Variants in COL7A1 observed in about 807,000 individuals in gnomAD.
COL7A1 encodes collagen alpha-1(VII) chain.
A neutral mutation model predicts 456.2 loss-of-function variants in COL7A1; 296 were observed. The ratio of observed to expected loss-of-function variants is 0.65; its 90% confidence interval spans 0.59 to 0.71. The LOEUF (loss-of-function observed/expected upper bound fraction) is 0.71, where lower values mean the gene tolerates loss of function less well. COL7A1 is among the 30% of genes least tolerant of loss of function. The probability of loss-of-function intolerance (pLI) is 0.00; values close to 1 mark genes in which losing one functional copy is unlikely to be tolerated. For missense variants in COL7A1, 3,441 were observed against 4,017.2 expected (o/e 0.86, Z 3.88); for synonymous variants, 1,464 against 1,525.9 (o/e 0.96, Z 0.95).
Position 48,594,237 on chromosome 3 carries a change from G to C in COL7A1, c.266+131C>G. ...CTGTCTCCAAAGGAGGTCCTGGCTA[G>C]GGGGTCTCTAGGTTCCCCAAAACTT... On this transcript the variant is annotated intron_variant, in intron 3 of 118. Coordinates refer to ENST00000681320, the MANE Select transcript of COL7A1 (RefSeq NM_000094.4). The surrounding 1 kb of genome is among the most constrained non-coding windows in gnomAD (Gnocchi z 5.5). 1 of 1,056,336 alleles carries C rather than the reference G, an allele frequency of 9.5e-7. No individual in the cohort carries two copies. Among genetic ancestry groups the C allele is most frequent in the Non-Finnish European group, 1.4e-6 (1 of 719,388 alleles). The allele number at this position is 1,056,336 out of a possible 1,614,324, so 65.4% of individuals were successfully genotyped here. A position where few individuals can be genotyped will look rare whatever the true frequency, so the allele number is the denominator to read the frequency against.
Position 48,573,743 on chromosome 3 carries a change from A to G in COL7A1, c.6538-18T>C. On this transcript the variant is annotated intron_variant, in intron 81 of 118. Coordinates refer to ENST00000681320, the MANE Select transcript of COL7A1 (RefSeq NM_000094.4). The surrounding 1 kb of genome is among the most constrained non-coding windows in gnomAD (Gnocchi z 5.5). ...TGACCACCCTGTTGTGGCGAAAAAG[A>G]GTCTGATGAGGGGGAGTTAGCCGCA... The G allele has an allele frequency of 6.2e-7, 1 of 1,613,744 alleles. No homozygotes were observed. Among genetic ancestry groups the G allele is most frequent in the Non-Finnish European group, 8.5e-7 (1 of 1,179,892 alleles).
rs754008525 is a variant in COL7A1 at position 48,583,382 on chromosome 3, C to A, written c.4437+11G>T. The A allele has an allele frequency of 6.2e-7, 1 of 1,613,994 alleles. No homozygotes were observed. The highest frequency in any genetic ancestry group is 1.7e-5 in the Admixed American group (1 of 60,004). Reference sequence around the variant, plus strand: ...CACCCCTCACACCTGAATCCCCCAACTGGTACTCACTTTGGGGCCAATAGC... The same window carrying A: ...CACCCCTCACACCTGAATCCCCCAAATGGTACTCACTTTGGGGCCAATAGC... On this transcript the variant is annotated intron_variant, in intron 42 of 118. Coordinates refer to ENST00000681320, the MANE Select transcript of COL7A1 (RefSeq NM_000094.4). This position sits in a 1 kb window ranked among gnomAD's most constrained non-coding sequence, Gnocchi z 5.1.
At position 48,574,982 on chromosome 3, in the gene COL7A1, C is replaced by T; in HGVS notation, c.6279+82G>A. The T allele has an allele frequency of 6.4e-7, 1 of 1,564,284 alleles. No homozygotes were observed. ...TCAGAAATTCCAGGGTTATGGCACACACTACCATATTTCTGGGGACCAAGC... is the reference window on the plus strand; with the variant it reads ...TCAGAAATTCCAGGGTTATGGCACATACTACCATATTTCTGGGGACCAAGC... On this transcript the variant is annotated intron_variant, in intron 76 of 118. Transcript: ENST00000681320. This position sits in a 1 kb window ranked among gnomAD's most constrained non-coding sequence, Gnocchi z 5.0.
chr3:48,586,246 C>T lies in COL7A1; in HGVS notation c.3551G>A (p.Gly1184Glu). 6.2e-7 allele frequency: 1 copy of T among 1,613,724 alleles called. No homozygotes were observed. Among genetic ancestry groups the T allele is most frequent in the Non-Finnish European group, 8.5e-7 (1 of 1,180,034 alleles). Reference protein sequence around the residue: ...FSPIREAQASGLNVVMLGMAG... With the variant: ...FSPIREAQASELNVVMLGMAG... The stretch of plus-strand genomic sequence containing the variant: ...CATTCCCAACATCACCACATTAAGC[C>T]CTAAGGTGGGGTCCAGTGGCTGCAT... Residue 1184 changes from glycine to glutamate, a missense_variant and splice_region_variant, in exon 28 of 119, where the codon GGG becomes GAG. By Grantham distance (98) the Gly-to-Glu change is moderately conservative. Coordinates refer to ENST00000681320, the MANE Select transcript of COL7A1 (RefSeq NM_000094.4). The surrounding 1 kb of genome is among the most constrained non-coding windows in gnomAD (Gnocchi z 5.1).
chr3:48,567,808 G>A lies in COL7A1; in HGVS notation c.7929+30C>T, dbSNP rs369871223. ...GGGTGAGCCTTAGGCCCCAGGCCAC[G>A]TAGCCCCCCAGCCCCCATCCCCTCT... On this transcript the variant is annotated intron_variant, in intron 107 of 118. Coordinates refer to ENST00000681320, the MANE Select transcript of COL7A1 (RefSeq NM_000094.4). The surrounding 1 kb of genome is among the most constrained non-coding windows in gnomAD (Gnocchi z 4.3). 78 of 1,613,952 alleles carry A rather than the reference G, an allele frequency of 4.8e-5. No individual in the cohort carries two copies. The highest frequency in any genetic ancestry group is 5.6e-5 in the Non-Finnish European group (66 of 1,179,978).
Position 48,580,107 on chromosome 3 carries a change from A to C in COL7A1, c.5098-50T>G. On this transcript the variant is annotated intron_variant, in intron 56 of 118. Transcript: ENST00000681320. The surrounding 1 kb of genome is among the most constrained non-coding windows in gnomAD (Gnocchi z 4.5). ...AATAGGAGCCCTCAGGTCCCAGGCC[A>C]TGGCTCTGGTTTGCCCCAGGCTCAA... 6.2e-7 allele frequency: 1 copy of C among 1,609,006 alleles called. No homozygotes were observed. Among genetic ancestry groups the C allele is most frequent in the Non-Finnish European group, 8.5e-7 (1 of 1,176,276 alleles).
chr3:48,583,616 C>A lies in COL7A1; in HGVS notation c.4342-1G>T, dbSNP rs2044955528. 7 of 1,614,058 alleles carry A rather than the reference C, an allele frequency of 4.3e-6. No individual in the cohort carries two copies. The highest frequency in any genetic ancestry group is 5.1e-6 in the Non-Finnish European group (6 of 1,179,998). On this transcript the variant is annotated splice_acceptor_variant, in intron 40 of 118. Transcript: ENST00000681320. LOFTEE classifies it high-confidence loss of function. This position sits in a 1 kb window ranked among gnomAD's most constrained non-coding sequence, Gnocchi z 5.1. ...CTGGAGCTCCATCCTCAGAGTCACC[C>A]TGAAGGAGAAACACACGGGTGGGAA...
rs1219896607 is a variant in COL7A1 at position 48,590,920 on chromosome 3, T to G, written c.1637-104A>C. ...CGCAGAGTGAGAAGGGCCATGGGGG[T>G]GGGGATGTGGGGTGGTGGGGACCAG... On this transcript the variant is annotated intron_variant, in intron 13 of 118. Transcript: ENST00000681320. This position sits in a 1 kb window ranked among gnomAD's most constrained non-coding sequence, Gnocchi z 4.6. 154 of 683,890 alleles carry G rather than the reference T, an allele frequency of 2.3e-4. No homozygotes were observed. The highest frequency in any genetic ancestry group is 3.0e-4 in the Middle Eastern group (1 of 3,284). The allele number at this position is 683,890 out of a possible 1,614,324, so 42.4% of individuals were successfully genotyped here.
At position 48,584,771 on chromosome 3, in the gene COL7A1, T is replaced by G. The variant is rs2107736723; in HGVS notation, c.4012-2A>C. ...TGGGCCTCGAGGTCCTCGCTCTCCC[T>G]GAGGACGAAACAGAGCAGAGGGTGG... On this transcript the variant is annotated splice_acceptor_variant, in intron 34 of 118. Coordinates refer to ENST00000681320, the MANE Select transcript of COL7A1 (RefSeq NM_000094.4). LOFTEE classifies it high-confidence loss of function. The G allele has an allele frequency of 6.2e-7, 1 of 1,613,970 alleles. No homozygotes were observed. Among genetic ancestry groups the G allele is most frequent in the Non-Finnish European group, 8.5e-7 (1 of 1,180,008 alleles).
In COL7A1 at chr3:48,591,610, A is replaced by T. The variant is rs748661346; in HGVS notation, c.1508-18T>A. 5 of 1,613,510 alleles carry T rather than the reference A, an allele frequency of 3.1e-6. No homozygotes were observed. Among genetic ancestry groups the T allele is most frequent in the Middle Eastern group, 1.6e-4 (1 of 6,062 alleles). On this transcript the variant is annotated intron_variant, in intron 12 of 118. Transcript: ENST00000681320. The surrounding 1 kb of genome is among the most constrained non-coding windows in gnomAD (Gnocchi z 7.0). Reference sequence around the variant, plus strand: ...CTCTGGTCCTGTTGGAGAGCACAGCATAGAGGCAGCCTGGGGCTCCGACAC... The same window carrying T: ...CTCTGGTCCTGTTGGAGAGCACAGCTTAGAGGCAGCCTGGGGCTCCGACAC...
At chr3:48,589,514 T>C (rs1159590517) in intron 17 of COL7A1, 44 bp from the exon 18 acceptor site, 1 of 1,612,860 alleles carries the variant, frequency 6.2e-7, no homozygotes, top group Admixed American at 1.7e-5. Flanking sequence ...GCAAACTCTG[T>C]GCCCCAGAGC....
In COL7A1 at chr3:48,578,829, C is replaced by T. The variant is rs2044510922; in HGVS notation, c.5424+90G>A. On this transcript the variant is annotated intron_variant, in intron 63 of 118. Transcript: ENST00000681320. The surrounding 1 kb of genome is among the most constrained non-coding windows in gnomAD (Gnocchi z 4.7). The stretch of plus-strand genomic sequence containing the variant: ...AAGGCAAGGCTGAACCGACCCCCCA[C>T]CAACTCTCTCGGATGCTGTGACTAT... 3.6e-6 allele frequency: 5 copies of T among 1,392,696 alleles called. No homozygotes were observed. The highest frequency in any genetic ancestry group is 3.9e-6 in the Non-Finnish European group (4 of 1,026,436). 86.3% of individuals were successfully genotyped at this position (1,392,696 alleles called of 1,614,324 possible). A position where few individuals can be genotyped will look rare whatever the true frequency, so the allele number is the denominator to read the frequency against.
chr3:48,589,110 T>G (rs1292661543), intron 18 of COL7A1, 115 bp from the exon 19 acceptor site: 8 of 1,570,186 alleles, frequency 5.1e-6, no homozygotes, highest in Middle Eastern at 2.2e-4. Context: ...CAGGTCACTT[T>G]AGGCAGCCCT....
chr3:48,570,693 T>C lies in COL7A1; in HGVS notation c.7290A>G (p.Pro2430=). ...GGGGTCCTGGGATTCCTTCTCTCCCTGGGGGGCCTGCCAGACCCTACCAGA... is the reference window on the plus strand; with the variant it reads ...GGGGTCCTGGGATTCCTTCTCTCCCCGGGGGGCCTGCCAGACCCTACCAGA... The part of the protein sequence containing the change: ...PSGERGLAGP[P]GREGIPGPLG... Residue 2430 remains proline (P), a synonymous_variant, in exon 96 of 119, where the codon CCA becomes CCG. Transcript: ENST00000681320. The surrounding 1 kb of genome is among the most constrained non-coding windows in gnomAD (Gnocchi z 5.5). The C allele has an allele frequency of 1.9e-6, 3 of 1,581,408 alleles. No individual in the cohort carries two copies. Among genetic ancestry groups the C allele is most frequent in the Admixed American group, 1.8e-5 (1 of 55,826 alleles).
intron 18 of COL7A1, 67 bp from the exon 19 acceptor site, chr3:48,589,062 C>A (rs1471151172): frequency 6.2e-7 from 1 of 1,608,296 alleles, no homozygotes; most frequent in African/African-American, 1.3e-5. Flanking sequence ...ATGGTTGACG[C>A]AGGGGTGATC....
rs777288198 is a variant in COL7A1 at position 48,579,459 on chromosome 3, G to C, written c.5271+21C>G. 2 of 1,614,154 alleles carry C rather than the reference G, an allele frequency of 1.2e-6. No individual in the cohort carries two copies. Among genetic ancestry groups the C allele is most frequent in the South Asian group, 2.2e-5 (2 of 91,080 alleles). ...AGGGTAAGATGGGGACTTGGCAGACGGGGCAAAGTGCATCACTCACCTGTG... is the reference window on the plus strand; with the variant it reads ...AGGGTAAGATGGGGACTTGGCAGACCGGGCAAAGTGCATCACTCACCTGTG... On this transcript the variant is annotated intron_variant, in intron 60 of 118. Coordinates refer to ENST00000681320, the MANE Select transcript of COL7A1 (RefSeq NM_000094.4). The surrounding 1 kb of genome is among the most constrained non-coding windows in gnomAD (Gnocchi z 4.4).
At chr3:48,576,040 G>A in intron 71 of COL7A1, 138 bp from the exon 72 acceptor site, 2 of 1,468,010 alleles carry the variant, frequency 1.4e-6, no homozygotes, top group Non-Finnish European at 9.4e-7. Context: ...CTTGGTTGAG[G>A]CATGGCTGGA....
At position 48,564,263 on chromosome 3, in the gene COL7A1, G is replaced by A. The variant is rs752873745; in HGVS notation, c.*143C>T. The A allele has an allele frequency of 2.5e-5, 26 of 1,034,456 alleles. No homozygotes were observed. The African/African-American group carries it at 2.5e-4, about 10-fold the overall frequency. The allele number at this position is 1,034,456 out of a possible 1,614,324, so 64.1% of individuals were successfully genotyped here. ...CCACAGGGGGGAAGGCTAGACCCAC[G>A]GGACCAAGTCACTGAAATAACGGAC... On this transcript the variant is annotated 3_prime_UTR_variant, in exon 119 of 119. Transcript: ENST00000681320. This position sits in a 1 kb window ranked among gnomAD's most constrained non-coding sequence, Gnocchi z 6.0.
In COL7A1 at chr3:48,575,481, G is replaced by A. The variant is rs1165283981; in HGVS notation, c.6038C>T (p.Pro2013Leu). The change falls in exon 74 of 119, where the codon CCT becomes CTT. Residue 2013 changes from proline to leucine, a missense_variant. This residue lies in a region of COL7A1 where 2,084 missense variants were observed against 2,501.3 expected (regional missense o/e 0.83). Transcript: ENST00000681320. The surrounding 1 kb of genome is among the most constrained non-coding windows in gnomAD (Gnocchi z 6.3). ...AAGGGCCAGACCAGGTGGCCCCTGA[G>A]GGCCAGGGTCTCCACGGTCGCCCTT... The part of the protein sequence containing the change: ...GLKGDRGDPG[P>L]QGPPGLALGE... The A allele has an allele frequency of 1.2e-6, 2 of 1,612,096 alleles. No individual in the cohort carries two copies. Among genetic ancestry groups the A allele is most frequent in the South Asian group, 1.1e-5 (1 of 91,052 alleles).
Sources: gnomAD v4.1 joint callset for allele counts on GRCh38, gnomAD v4.1.1 for gene constraint, gnomAD v4.1.1 regional missense constraint, Gnocchi (gnomAD v3.1) non-coding constraint, MANE v1.5 for transcripts, NCBI Gene and HGNC (gene_info 2026-07-23, HGNC 2026-07-21) for gene names.